CFAP95: variants seen among roughly 807,000 people sequenced by gnomAD.
CFAP95 encodes the protein cilia and flagella associated protein 95.
chr9:69,869,990 G>A, the CFAP95 span, among the ~76,000 whole-genome samples: 1 of 152,118 alleles, frequency 6.6e-6, no homozygotes, highest in Admixed American at 6.5e-5. Context: ...AGTTACAGAG[G>A]TGGCTTCACA....
chr9:69,890,293 C>A, the CFAP95 span, among the ~76,000 whole-genome samples: 3 of 152,192 alleles, frequency 2.0e-5, no homozygotes, highest in Non-Finnish European at 2.9e-5. Context: ...AGCATTATTT[C>A]TAATATTTCT....
chr9:69,861,749 A>AAAC, the CFAP95 span, among the ~76,000 whole-genome samples: 15 of 148,340 alleles, frequency 1.0e-4, no homozygotes, highest in African/African-American at 3.5e-4. Context: ...AAAAAAAAAA[A>AAAC]AAAACACAAC....
At chr9:69,838,061 T>C in the CFAP95 span, among the ~76,000 whole-genome samples, 13 of 152,226 alleles carry the variant, frequency 8.5e-5, no homozygotes, top group Admixed American at 3.3e-4. Context: ...GCATTATTTC[T>C]GAGGGCTCTG....
the CFAP95 span, among the ~76,000 whole-genome samples, chr9:69,838,091 A>G: frequency 2.0e-5 from 3 of 152,120 alleles, no homozygotes; most frequent in Non-Finnish European, 4.4e-5. Flanking sequence ...ATTGATCTAT[A>G]TCTCTGTTTT....
chr9:69,837,775 CT>C, the CFAP95 span, among the ~76,000 whole-genome samples: 1 of 152,138 alleles, frequency 6.6e-6, no homozygotes, highest in Non-Finnish European at 1.5e-5. Flanking sequence ...GCTGCCATTG[CT>C]TTTGGTGTTT....
At chr9:69,825,891 C>T in the CFAP95 span, among the ~76,000 whole-genome samples, 1 of 152,092 alleles carries the variant, frequency 6.6e-6, no homozygotes, top group Non-Finnish European at 1.5e-5. Flanking sequence ...GCTCTGGTCT[C>T]CATGGTGACA....
chr9:69,822,437 A>G, the CFAP95 span, among the ~76,000 whole-genome samples: 2 of 152,222 alleles, frequency 1.3e-5, no homozygotes, highest in Non-Finnish European at 2.9e-5. Flanking sequence ...TGAACTCAGT[A>G]TGAGAAGTTA....
the CFAP95 span, among the ~76,000 whole-genome samples, chr9:69,837,391 T>C: frequency 6.6e-6 from 1 of 151,806 alleles, no homozygotes; most frequent in African/African-American, 2.4e-5. Context: ...CTCCAGCACC[T>C]GTTGTTTCCT....
chr9:69,855,967 C>T, the CFAP95 span, among the ~76,000 whole-genome samples: 1 of 152,158 alleles, frequency 6.6e-6, no homozygotes, highest in Non-Finnish European at 1.5e-5. Flanking sequence ...GAACCTCCAG[C>T]TTCATGATCT....
At chr9:69,891,927 A>C in the CFAP95 span, among the ~76,000 whole-genome samples, 1 of 151,970 alleles carries the variant, frequency 6.6e-6, no homozygotes, top group Non-Finnish European at 1.5e-5. Flanking sequence ...TCTATGCCCT[A>C]TTTTAAGACC....
At chr9:69,880,199 A>C in the CFAP95 span, among the ~76,000 whole-genome samples, 1 of 152,182 alleles carries the variant, frequency 6.6e-6, no homozygotes, top group African/African-American at 2.4e-5. Flanking sequence ...TATTGACTAT[A>C]GTCCCCACGT....
chr9:69,856,920 G>GTTT, the CFAP95 span, among the ~76,000 whole-genome samples: 2,982 of 125,882 alleles, frequency 0.024, 113 homozygotes, highest in Middle Eastern at 0.06. Flanking sequence ...CTTTATATGT[G>GTTT]TTTTTTTTTT....
At chr9:69,838,678 A>T in the CFAP95 span, among the ~76,000 whole-genome samples, 1 of 151,936 alleles carries the variant, frequency 6.6e-6, no homozygotes, top group African/African-American at 2.4e-5. Context: ...TCGTCTGCAA[A>T]CTGGGACAAT....
the CFAP95 span, chr9:69,858,254 T>C: frequency 2.3e-6 from 1 of 434,414 alleles, no homozygotes; most frequent in Non-Finnish European, 4.2e-6. Context: ...AAGTCAATAC[T>C]CGTGGTTCTG....
chr9:69,895,615 T>C, the CFAP95 span, among the ~76,000 whole-genome samples: 2 of 152,170 alleles, frequency 1.3e-5, no homozygotes, highest in African/African-American at 4.8e-5. Context: ...TAAATGTTAA[T>C]TATACTTAAT....
chr9:69,894,710 A>G, the CFAP95 span, among the ~76,000 whole-genome samples: 1 of 152,334 alleles, frequency 6.6e-6, no homozygotes, highest in South Asian at 2.1e-4. Context: ...CTACTTTGCA[A>G]AACACGACTC....
At chr9:69,875,961 TAAGA>T in the CFAP95 span, among the ~76,000 whole-genome samples, 1 of 152,320 alleles carries the variant, frequency 6.6e-6, no homozygotes, top group Admixed American at 6.5e-5. Flanking sequence ...AATATATATG[TAAGA>T]GTTTCTTTAT....
the CFAP95 span, among the ~76,000 whole-genome samples, chr9:69,845,324 C>T: frequency 3.3e-5 from 5 of 152,122 alleles, no homozygotes; most frequent in South Asian, 2.1e-4. Context: ...TACAATGTCA[C>T]GAGCTTTGTG....
chr9:69,884,659 G>A, the CFAP95 span: 1 of 87,772 alleles, frequency 1.1e-5, no homozygotes, highest in Admixed American at 1.0e-4. Flanking sequence ...ACAAATAGGA[G>A]GTTTTTTTTT....
Sources: gnomAD v4.1 joint callset for allele counts (sites outside exome capture counted in the v4.1 genomes callset) on GRCh38, gnomAD v4.1.1 for gene constraint, MANE v1.5 for transcripts, NCBI Gene and HGNC (gene_info 2026-07-23, HGNC 2026-07-21) for gene names.